Variants in MAP4K5 observed in about 807,000 individuals in gnomAD.
The protein encoded by MAP4K5 is mitogen-activated protein kinase kinase kinase kinase 5, also known as MAPK/ERK kinase kinase kinase 5.
MAP4K5 carries 82 observed loss-of-function variants against 135.6 expected under a neutral mutation model. The ratio of observed to expected loss-of-function variants is 0.60; its 90% CI spans 0.51 to 0.73. The LOEUF (loss-of-function observed/expected upper bound fraction) is 0.73, where lower values mean the gene tolerates loss of function less well. Among genes scored for constraint, MAP4K5 ranks in the 30% least tolerant of loss-of-function variants. The pLI, the probability that MAP4K5 is intolerant of heterozygous loss-of-function variation, is 0.00. For synonymous variants in MAP4K5, 347 were observed against 335.0 expected, an observed-to-expected ratio of 1.04 and a Z score of -0.39; for missense variants, 907 against 1,010.9, an observed-to-expected ratio of 0.90 and a Z score of 1.39.
Position 50,549,761 on chromosome 14 carries a change from G to GA in MAP4K5, c.-179-7178dup, listed in dbSNP as rs796467171. Among the ~76,000 whole-genome samples the GA allele has an allele frequency of 1.1e-4, 17 of 151,980 alleles. 1 individual carries two copies. Among genetic ancestry groups the GA allele is most frequent in the South Asian group, 4.2e-4 (2 of 4,810 alleles). On this transcript the variant is annotated intron_variant, in intron 1 of 8. Transcript: ENST00000555216. ...TAACCCAACAGGGGCAGGACTCACA[G>GA]AAAAAAAAGGAATGGCCTTTTAAAA...
chr14:50,439,610 A>G (rs2036179188), intron 23 of MAP4K5, among the ~76,000 whole-genome samples: 1 of 152,098 alleles, frequency 6.6e-6, no homozygotes, highest in African/African-American at 2.4e-5. Flanking sequence ...TTTTATAATT[A>G]AGATAAATGA....
chr14:50,421,748 C>G (rs7146651), intron 32 of MAP4K5, among the ~76,000 whole-genome samples: 147,735 of 151,950 alleles, frequency 0.97, 71,917 homozygotes, highest in Non-Finnish European at 1. Context: ...AAAAGTGATG[C>G]ACAAAGCTCT....
intron 2 of MAP4K5, among the ~76,000 whole-genome samples, chr14:50,519,731 G>A (rs1008984236): frequency 1.3e-5 from 2 of 151,784 alleles, no homozygotes; most frequent in Non-Finnish European, 2.9e-5. Context: ...AAAATAAAAA[G>A]GTAGGTAAAA....
chr14:50,430,906 G>A (rs781039609), intron 28 of MAP4K5, among the ~76,000 whole-genome samples: 18 of 152,118 alleles, frequency 1.2e-4, no homozygotes, highest in Non-Finnish European at 1.5e-4. Flanking sequence ...GCTGTTTGCC[G>A]GAGTGAGGGC....
Position 50,486,087 on chromosome 14 carries a change from G to T in MAP4K5, c.257+17C>A. On this transcript the variant is annotated intron_variant, in intron 4 of 32. Transcript: ENST00000682126. ...TATATAAAATACAGAGAGAGATGATGCTTTTTTTTCTCTTACCTAAGATAA... is the reference window on the plus strand; with the variant it reads ...TATATAAAATACAGAGAGAGATGATTCTTTTTTTTCTCTTACCTAAGATAA... 4.2e-6 allele frequency: 4 copies of T among 955,208 alleles called. No homozygotes were observed. Among genetic ancestry groups the T allele is most frequent in the South Asian group, 1.5e-5 (1 of 64,918 alleles). The allele number at this position is 955,208 out of a possible 1,614,324, so 59.2% of individuals were successfully genotyped here.
At chr14:50,435,226 A>G (rs936765904) in intron 26 of MAP4K5, among the ~76,000 whole-genome samples, 161 bp from the exon 27 acceptor site, 1 of 152,118 alleles carries the variant, frequency 6.6e-6, no homozygotes, top group Non-Finnish European at 1.5e-5. Context: ...TCTTATCTCA[A>G]TTTTAAATTA....
chr14:50,494,200 G>T (rs71420186), intron 3 of MAP4K5, among the ~76,000 whole-genome samples: 2 of 150,800 alleles, frequency 1.3e-5, no homozygotes, highest in African/African-American at 2.4e-5. Flanking sequence ...ACAGAGTCTC[G>T]CCTGTCACCC....
chr14:50,506,514 A>T (rs1444911474), intron 2 of MAP4K5, among the ~76,000 whole-genome samples: 3 of 152,082 alleles, frequency 2.0e-5, no homozygotes, highest in Non-Finnish European at 2.9e-5. Flanking sequence ...ACCTGCCACT[A>T]CACTCAGCTA....
intron 15 of MAP4K5, 50 bp downstream of exon 15, chr14:50,448,724 G>A: frequency 8.6e-7 from 1 of 1,162,410 alleles, no homozygotes; most frequent in Non-Finnish European, 1.2e-6. Context: ...CAAAAAAAAA[G>A]TTTTCTCAAA....
intron 2 of MAP4K5, among the ~76,000 whole-genome samples, chr14:50,524,547 T>C (rs570958239): frequency 1.2e-4 from 18 of 151,540 alleles, no homozygotes; most frequent in African/African-American, 4.1e-4. Context: ...TGATAAAAAA[T>C]GTACATGGAG....
intron 1 of MAP4K5, among the ~76,000 whole-genome samples, chr14:50,551,729 T>C (rs2038705267): frequency 6.6e-6 from 1 of 152,068 alleles, no homozygotes; most frequent in Non-Finnish European, 1.5e-5. Flanking sequence ...CATATGCAAA[T>C]CAATAAATGT....
chr14:50,434,838 A>C, intron 27 of MAP4K5, 124 bp downstream of exon 27: 1 of 655,784 alleles, frequency 1.5e-6, no homozygotes, highest in Non-Finnish European at 2.5e-6. Flanking sequence ...TAAATCAAAT[A>C]AACAACTACA....
Position 50,444,054 on chromosome 14 carries a change from A to T in MAP4K5, c.1340-18T>A. 3 of 1,538,010 alleles carry T rather than the reference A, an allele frequency of 2.0e-6. No homozygotes were observed. The highest frequency in any genetic ancestry group is 1.8e-6 in the Non-Finnish European group (2 of 1,121,930). ...ACCATTTCCTAAAGAGAATCATGTT[A>T]AAAGTTGAATGACCACACAAATAAG... On this transcript the variant is annotated intron_variant, in intron 18 of 32. Transcript: ENST00000682126.
chr14:50,450,858 C>T (rs2036468270), intron 14 of MAP4K5, among the ~76,000 whole-genome samples: 1 of 152,098 alleles, frequency 6.6e-6, no homozygotes, highest in Admixed American at 6.6e-5. Flanking sequence ...AGATGCTCAA[C>T]ATTGTATTAC....
intron 2 of MAP4K5, among the ~76,000 whole-genome samples, chr14:50,515,738 A>G (rs976713846): frequency 2.6e-5 from 4 of 152,152 alleles, no homozygotes; most frequent in Non-Finnish European, 4.4e-5. Flanking sequence ...CAAACTTTCA[A>G]TGATCCCTCA....
At chr14:50,544,495 A>G (rs1482702895) in intron 1 of MAP4K5, among the ~76,000 whole-genome samples, 1 of 152,190 alleles carries the variant, frequency 6.6e-6, no homozygotes, top group East Asian at 1.9e-4. Context: ...AGTCTGCTGG[A>G]GTGCTTCTAG....
intron 28 of MAP4K5, 109 bp downstream of exon 28, chr14:50,434,285 G>C (rs1370900019): frequency 1.3e-6 from 1 of 755,908 alleles, no homozygotes; most frequent in Non-Finnish European, 2.1e-6. Flanking sequence ...ACTATGTTTT[G>C]AATATTTAAA....
intron 6 of MAP4K5, among the ~76,000 whole-genome samples, chr14:50,478,292 C>T (rs2037151964): frequency 6.6e-6 from 1 of 151,710 alleles, no homozygotes; most frequent in Non-Finnish European, 1.5e-5. Flanking sequence ...TCTCTTTTTA[C>T]TTTTTTTCCT....
Position 50,504,796 on chromosome 14 carries a change from A to G in MAP4K5, c.166+4T>C. ...AAAATTGTCTTGAGGGTTTTAACAC[A>G]TACCAGGCTCCAATTTAATGATTTT... On this transcript the variant is annotated splice_donor_region_variant and intron_variant, in intron 3 of 32. Coordinates refer to ENST00000682126, the MANE Select transcript of MAP4K5 (RefSeq NM_006575.6). 1 of 1,551,932 alleles carries G rather than the reference A, an allele frequency of 6.4e-7. No individual in the cohort carries two copies.
Sources: gnomAD v4.1 joint callset for allele counts (sites outside exome capture counted in the v4.1 genomes callset) on GRCh38, gnomAD v4.1.1 for gene constraint, MANE v1.5 for transcripts, NCBI Gene and HGNC (gene_info 2026-07-23, HGNC 2026-07-21) for gene names.